Variants in TMOD1 observed in about 807,000 individuals in gnomAD.
TMOD1 encodes tropomodulin 1.
In TMOD1, 17 loss-of-function variants were observed where a neutral mutation model predicts 40.6. The ratio of observed to expected loss-of-function variants is 0.42; its 90% CI spans 0.29 to 0.63. The LOEUF (loss-of-function observed/expected upper bound fraction) is 0.63, where lower values mean the gene tolerates loss of function less well. TMOD1 is among the 20% of genes least tolerant of loss of function. TMOD1 has a pLI of 0.22. For synonymous variants in TMOD1, 181 were observed against 175.0 expected (o/e 1.03, Z -0.27); for missense variants, 391 against 447.6 (o/e 0.87, Z 1.14).
At chr9:97,576,277 T>TA (rs1321756741) in intron 8 of TMOD1, among the ~76,000 whole-genome samples, 19 of 151,654 alleles carry the variant, frequency 1.3e-4, no homozygotes, top group East Asian at 5.8e-4. Flanking sequence ...CCCATCTCTG[T>TA]AAAAAAAAGT....
chr9:97,572,632 C>T (rs1167866468), intron 8 of TMOD1, among the ~76,000 whole-genome samples: 2 of 152,198 alleles, frequency 1.3e-5, no homozygotes, highest in Admixed American at 6.5e-5. Context: ...GAGGAGGTGG[C>T]GAGTGGCATT....
chr9:97,575,264 G>A (rs1295054080), intron 8 of TMOD1, among the ~76,000 whole-genome samples: 1 of 152,108 alleles, frequency 6.6e-6, no homozygotes, highest in East Asian at 1.9e-4. Flanking sequence ...CACTCACCGC[G>A]AAGGCCTGCA....
intron 4 of TMOD1, among the ~76,000 whole-genome samples, chr9:97,558,891 T>C (rs1020125091): frequency 2.0e-5 from 3 of 152,140 alleles, no homozygotes; most frequent in Admixed American, 6.5e-5. Context: ...AAAAAGGAAG[T>C]GACCTATACA....
At chr9:97,581,413 G>T (rs1563997740) in intron 8 of TMOD1, among the ~76,000 whole-genome samples, 1 of 151,934 alleles carries the variant, frequency 6.6e-6, no homozygotes, top group Non-Finnish European at 1.5e-5. Flanking sequence ...ATTCGGGTTG[G>T]TTCCAAGTCT....
chr9:97,532,553 C>G (rs1237246434), intron 2 of TMOD1, among the ~76,000 whole-genome samples: 1 of 152,046 alleles, frequency 6.6e-6, no homozygotes, highest in Non-Finnish European at 1.5e-5. Context: ...CAGTATATAC[C>G]TATTTTCTCA....
intron 8 of TMOD1, among the ~76,000 whole-genome samples, chr9:97,570,891 A>C (rs572923815): frequency 1.3e-5 from 2 of 152,328 alleles, no homozygotes; most frequent in East Asian, 3.9e-4. Context: ...TAATTTATAT[A>C]AAGCAGTCAC....
At chr9:97,571,992 G>A (rs1364318985) in intron 8 of TMOD1, among the ~76,000 whole-genome samples, 1 of 152,220 alleles carries the variant, frequency 6.6e-6, no homozygotes, top group African/African-American at 2.4e-5. Flanking sequence ...CTGGATGGGA[G>A]GAAAGATGGT....
intron 8 of TMOD1, among the ~76,000 whole-genome samples, chr9:97,583,262 G>A (rs1825797758): frequency 6.8e-6 from 1 of 146,786 alleles, no homozygotes; most frequent in South Asian, 2.2e-4. Flanking sequence ...AGATAATCAT[G>A]TGGTTTTTGT....
At chr9:97,593,159 C>T (rs1349927603) in intron 9 of TMOD1, among the ~76,000 whole-genome samples, 1 of 152,172 alleles carries the variant, frequency 6.6e-6, no homozygotes, top group Non-Finnish European at 1.5e-5. Context: ...TATCTCTGGG[C>T]TAACCCAGTT....
At chr9:97,590,460 A>G (rs2131291640) in intron 8 of TMOD1, among the ~76,000 whole-genome samples, 1 of 152,136 alleles carries the variant, frequency 6.6e-6, no homozygotes, top group South Asian at 2.1e-4. Context: ...TCCTTAGCTC[A>G]GGCAGACTGC....
intron 1 of TMOD1, chr9:97,512,734 A>G (rs1199317315): frequency 6.6e-6 from 1 of 150,822 alleles, no homozygotes; most frequent in Non-Finnish European, 1.5e-5. Context: ...TACAGTCTTA[A>G]AGGTCAGAAT....
At chr9:97,592,037 T>A (rs969385134) in intron 9 of TMOD1, among the ~76,000 whole-genome samples, 4 of 149,638 alleles carry the variant, frequency 2.7e-5, no homozygotes, top group African/African-American at 1.0e-4. Context: ...AATAAAAAAA[T>A]TAAGAAAATG....
chr9:97,571,800 G>C (rs925127247), intron 8 of TMOD1, among the ~76,000 whole-genome samples: 1 of 152,252 alleles, frequency 6.6e-6, no homozygotes, highest in African/African-American at 2.4e-5. Context: ...TGTGATGTCA[G>C]CCTGGCTTTT....
chr9:97,545,051 A>T (rs1294732149), intron 2 of TMOD1, among the ~76,000 whole-genome samples: 2 of 150,668 alleles, frequency 1.3e-5, no homozygotes, highest in African/African-American at 4.9e-5. Flanking sequence ...ATGACTCTTC[A>T]GTTTAGTCAG....
At chr9:97,571,273 G>GT (rs1830813477) in intron 8 of TMOD1, among the ~76,000 whole-genome samples, 1 of 152,224 alleles carries the variant, frequency 6.6e-6, no homozygotes, top group African/African-American at 2.4e-5. Context: ...CTGCCAGGGA[G>GT]TTGCCCCTTC....
At chr9:97,538,377 T>G (rs1375006547) in intron 2 of TMOD1, among the ~76,000 whole-genome samples, 3 of 152,154 alleles carry the variant, frequency 2.0e-5, no homozygotes, top group Non-Finnish European at 4.4e-5. Flanking sequence ...GTAAGGATGT[T>G]TGTGTGACAA....
rs759477827 is a variant in TMOD1, at chr9:97,599,707, G to A, written c.*9G>A. The A allele has an allele frequency of 1.9e-5, 31 of 1,614,008 alleles. No homozygotes were observed. Among genetic ancestry groups the A allele is most frequent in the South Asian group, 1.6e-4 (15 of 91,076 alleles). On this transcript the variant is annotated 3_prime_UTR_variant, in exon 10 of 10. Coordinates refer to ENST00000259365, the MANE Select transcript of TMOD1 (RefSeq NM_003275.4). ...GCCGGAGTGGTGTCTAGTGTGTGGC[G>A]GTGGAGTCCATGCCTTTGAACTGGA...
At chr9:97,596,086 G>A (rs945812315) in intron 9 of TMOD1, among the ~76,000 whole-genome samples, 2 of 151,462 alleles carry the variant, frequency 1.3e-5, no homozygotes, top group African/African-American at 4.9e-5. Flanking sequence ...AAAAGAAGAA[G>A]AAAAAAAGAA....
intron 4 of TMOD1, chr9:97,555,700 C>G (rs1455483877): frequency 1.3e-6 from 2 of 1,548,850 alleles, no homozygotes; most frequent in Non-Finnish European, 1.7e-6. Context: ...CCTACCATGT[C>G]CCAGGTTCTA....
Sources: allele counts gnomAD v4.1 joint callset (sites outside exome capture counted in the v4.1 genomes callset), GRCh38; gene constraint gnomAD v4.1.1; transcripts MANE v1.5; gene names NCBI Gene and HGNC (gene_info 2026-07-23, HGNC 2026-07-21).